The following TANK variants were observed in gnomAD, a reference collection of about 807,000 sequenced individuals.
TANK encodes the protein TRAF family member-associated NF-kappa-B activator.
In TANK, 15 loss-of-function variants were observed where a neutral mutation model predicts 43.6. The ratio of observed to expected loss-of-function variants is 0.34; its 90% CI spans 0.23 to 0.53. TANK has a LOEUF of 0.53. Among genes scored for constraint, TANK ranks in the 20% least tolerant of loss-of-function variants. TANK has a pLI of 0.94. For synonymous variants in TANK, 162 were observed against 178.2 expected (o/e 0.91, Z 0.73); for missense variants, 417 against 498.6 (o/e 0.84, Z 1.56).
chr2:161,136,982 G>GA (rs1213295213), exon 1 of TANK: 10 of 985,282 alleles, frequency 1.0e-5, no homozygotes, highest in Non-Finnish European at 1.2e-5. Context: ...AGAGCCTGTG[G>GA]AAAACACTTT....
intron 1 of TANK, among the ~76,000 whole-genome samples, chr2:161,168,762 G>A (rs1331629123): frequency 6.6e-6 from 1 of 152,162 alleles, no homozygotes; most frequent in Non-Finnish European, 1.5e-5. Flanking sequence ...GAATCCCGGA[G>A]GTGGAGGTTG....
rs568855471 is a variant in TANK at position 161,180,080 on chromosome 2, GAC to G, written c.99+323_99+324del. ...GAAATAACTATAAAAACAGTTTTAT[GAC>G]ACAGAAGTATCACTGTCTCCATTTG... On this transcript the variant is annotated intron_variant, in intron 2 of 7. Transcript: ENST00000392749. 164 of 1,023,012 alleles carry G rather than the reference GAC, an allele frequency of 1.6e-4. 2 individuals carry two copies. In the African/African-American group the frequency reaches 2.6e-3, roughly 16 times the overall value. The allele number at this position is 1,023,012 out of a possible 1,614,324, so 63.4% of individuals were successfully genotyped here.
intron 1 of TANK, among the ~76,000 whole-genome samples, chr2:161,145,605 A>G (rs539872945): frequency 1.3e-5 from 2 of 151,962 alleles, no homozygotes; most frequent in South Asian, 2.1e-4. Context: ...GTTTGGCTGG[A>G]TATGAAATTT....
chr2:161,172,739 G>A (rs566454425), intron 1 of TANK, among the ~76,000 whole-genome samples: 1 of 152,110 alleles, frequency 6.6e-6, no homozygotes, highest in Non-Finnish European at 1.5e-5. Context: ...TCCCATTTCA[G>A]GCCAACTGAT....
At chr2:161,186,105 G>A (rs567527454) in intron 2 of TANK, among the ~76,000 whole-genome samples, 11 of 152,214 alleles carry the variant, frequency 7.2e-5, no homozygotes, top group Admixed American at 5.2e-4. Flanking sequence ...AGTGATCCTG[G>A]GAGATTGAGG....
chr2:161,188,903 TG>T (rs1224010241), intron 2 of TANK, among the ~76,000 whole-genome samples: 1 of 152,210 alleles, frequency 6.6e-6, no homozygotes, highest in Non-Finnish European at 1.5e-5. Flanking sequence ...ACTGTCAGTT[TG>T]GCTGCTGCTG....
intron 5 of TANK, 57 bp downstream of exon 5, chr2:161,224,048 T>A: frequency 4.3e-6 from 5 of 1,163,604 alleles, no homozygotes; most frequent in Non-Finnish European, 6.0e-6. Flanking sequence ...GAAATATATT[T>A]TATATTTGTT....
chr2:161,193,665 C>T (rs1012599571), intron 2 of TANK, among the ~76,000 whole-genome samples: 1 of 152,228 alleles, frequency 6.6e-6, no homozygotes, highest in Non-Finnish European at 1.5e-5. Flanking sequence ...TGGTTTCCCT[C>T]TCCCAAATCA....
intron 1 of TANK, among the ~76,000 whole-genome samples, chr2:161,146,880 A>C (rs115822174): frequency 6.6e-6 from 1 of 151,924 alleles, no homozygotes; most frequent in Non-Finnish European, 1.5e-5. Context: ...GCTGGGGGGA[A>C]CCCACTCATC....
chr2:161,221,662 C>CT (rs75309944), intron 4 of TANK, among the ~76,000 whole-genome samples: 626 of 140,760 alleles, frequency 4.4e-3, no homozygotes, highest in Non-Finnish European at 5.8e-3. Context: ...AAACCGTTTA[C>CT]TTTTTTTTTT....
intron 4 of TANK, among the ~76,000 whole-genome samples, chr2:161,210,987 T>G (rs904651672): frequency 1.3e-5 from 2 of 152,258 alleles, no homozygotes; most frequent in Non-Finnish European, 2.9e-5. Context: ...ATATTATGTA[T>G]GTAAACTGAA....
chr2:161,140,953 A>G (rs565161675), intron 1 of TANK, among the ~76,000 whole-genome samples: 2 of 152,258 alleles, frequency 1.3e-5, no homozygotes, highest in South Asian at 4.1e-4. Flanking sequence ...AACAACTTGC[A>G]TTAGTATGGC....
intron 2 of TANK, chr2:161,180,091 A>G: frequency 9.8e-7 from 1 of 1,015,916 alleles, no homozygotes; most frequent in Non-Finnish European, 1.2e-6. Flanking sequence ...ACACAGAAGT[A>G]TCACTGTCTC....
At chr2:161,230,940 C>T in intron 6 of TANK, 31 bp from the exon 7 acceptor site, 1 of 1,520,724 alleles carries the variant, frequency 6.6e-7, no homozygotes, top group Non-Finnish European at 9.1e-7. Flanking sequence ...TTGAATGCGG[C>T]TGTTTCTCTT....
upstream of TANK, among the ~76,000 whole-genome samples, chr2:161,159,931 A>C (rs1684330268): frequency 1.3e-5 from 2 of 152,180 alleles, no homozygotes; most frequent in South Asian, 4.1e-4. Flanking sequence ...TGTTTCTCAG[A>C]GTGTGGACTT....
intron 2 of TANK, among the ~76,000 whole-genome samples, chr2:161,186,196 T>A (rs1013603886): frequency 6.6e-6 from 1 of 152,134 alleles, no homozygotes; most frequent in Non-Finnish European, 1.5e-5. Context: ...TCAAAAAAAG[T>A]AAAACAACGA....
chr2:161,158,809 A>C (rs1558963153), upstream of TANK, among the ~76,000 whole-genome samples: 1 of 152,262 alleles, frequency 6.6e-6, no homozygotes, highest in Non-Finnish European at 1.5e-5. Flanking sequence ...GACATATCTG[A>C]TAAAGGACTT....
intron 1 of TANK, among the ~76,000 whole-genome samples, chr2:161,154,736 T>C (rs1684176334): frequency 6.6e-6 from 1 of 152,144 alleles, no homozygotes; most frequent in Non-Finnish European, 1.5e-5. Context: ...AACATAAAAA[T>C]TAAGCATACA....
upstream of TANK, among the ~76,000 whole-genome samples, chr2:161,155,860 T>C (rs555885047): frequency 6.6e-6 from 1 of 152,324 alleles, no homozygotes; most frequent in Admixed American, 6.5e-5. Context: ...TGTCACCCAG[T>C]ATAGACACCA....
Sources: gnomAD v4.1 joint callset for allele counts (sites outside exome capture counted in the v4.1 genomes callset) on GRCh38, gnomAD v4.1.1 for gene constraint, MANE v1.5 for transcripts, NCBI Gene and HGNC (gene_info 2026-07-23, HGNC 2026-07-21) for gene names.